Variants in IL1RAPL1 observed in about 807,000 individuals in gnomAD.
IL1RAPL1 encodes the protein interleukin 1 receptor accessory protein like 1.
Under a neutral mutation model 48.4 loss-of-function variants are expected in IL1RAPL1, and 3 were observed. The ratio of observed to expected loss-of-function variants is 0.06; its 90% CI spans 0.03 to 0.16. The LOEUF is 0.16. IL1RAPL1 is among the 10% of genes least tolerant of loss of function. IL1RAPL1 has a pLI of 1.00. For missense variants in IL1RAPL1, 349 were observed against 530.6 expected (o/e 0.66, Z 3.36); for synonymous variants, 185 against 187.7 (o/e 0.99, Z 0.12).
At chrX:29,010,615 G>T (rs758193544) in intron 2 of IL1RAPL1, among the ~76,000 whole-genome samples, 2 of 111,548 alleles carry the variant, frequency 1.8e-5, no homozygotes, top group Non-Finnish European at 3.8e-5. Context: ...TTCAAATATC[G>T]ATTTTAGTGA....
At chrX:29,653,940 ATTTT>A (rs1350357785) in intron 5 of IL1RAPL1, among the ~76,000 whole-genome samples, 2 of 104,396 alleles carry the variant, frequency 1.9e-5, no homozygotes, top group Non-Finnish European at 2.0e-5. Flanking sequence ...TTATTTATTT[ATTTT>A]TTGGCTGTAT....
intron 1 of IL1RAPL1, among the ~76,000 whole-genome samples, chrX:28,606,841 G>A (rs1360713541): frequency 9.0e-6 from 1 of 111,168 alleles, no homozygotes; most frequent in Non-Finnish European, 1.9e-5. Context: ...ACAACTTGGA[G>A]AGTTCAACAT....
intron 2 of IL1RAPL1, among the ~76,000 whole-genome samples, chrX:29,025,231 TTTGTGGCCA>T (rs1926457564): frequency 8.9e-6 from 1 of 112,376 alleles, no homozygotes; most frequent in Admixed American, 9.5e-5. Flanking sequence ...TGGTTTCCAT[TTTGTGGCCA>T]TTGTGAATAA....
intron 2 of IL1RAPL1, among the ~76,000 whole-genome samples, chrX:29,158,560 A>G (rs1929611887): frequency 9.0e-6 from 1 of 110,666 alleles, no homozygotes; most frequent in African/African-American, 3.3e-5. Context: ...TATTTTTAGT[A>G]GAGATGAGAT....
In IL1RAPL1 at chrX:29,085,881, C is replaced by T. The variant is rs1422411784; in HGVS notation, c.83-197057C>T. Among the ~76,000 whole-genome samples the T allele has an allele frequency of 2.7e-5, 3 of 111,690 alleles. No homozygotes were observed. The Admixed American group carries it at 2.9e-4, about 11-fold the overall frequency. ...TGAAATCTGGATTCATAAGTGAAAC[C>T]TCCAGGTTATTAAATATTTGGCATT... On this transcript the variant is annotated intron_variant, in intron 2 of 10. Transcript: ENST00000378993.
intron 1 of IL1RAPL1, among the ~76,000 whole-genome samples, chrX:28,737,073 TTTTCTTTTCTTTTCG>T (rs1394791755): frequency 3.9e-5 from 2 of 51,070 alleles, no homozygotes; most frequent in Non-Finnish European, 7.5e-5. Flanking sequence ...TTTTCTTTTC[TTTTCTTTTCTTTTCG>T]TTTTGTTTCT....
intron 1 of IL1RAPL1, among the ~76,000 whole-genome samples, chrX:28,727,247 C>G (rs1935687620): frequency 9.1e-6 from 1 of 109,620 alleles, no homozygotes; most frequent in Non-Finnish European, 1.9e-5. Context: ...AGAGGTCCTT[C>G]ACATCCCTTG....
At chrX:28,800,373 T>G (rs1353526180) in intron 2 of IL1RAPL1, among the ~76,000 whole-genome samples, 1 of 112,118 alleles carries the variant, frequency 8.9e-6, no homozygotes, top group East Asian at 2.8e-4. Flanking sequence ...GGGGGACCAC[T>G]GTTCACACTG....
intron 5 of IL1RAPL1, among the ~76,000 whole-genome samples, chrX:29,425,032 G>A (rs913267524): frequency 9.0e-6 from 1 of 111,637 alleles, no homozygotes; most frequent in Non-Finnish European, 1.9e-5. Context: ...GATACTCCTA[G>A]TAAGAAGTAC....
chrX:29,005,951 T>C (rs1279622252), intron 2 of IL1RAPL1, among the ~76,000 whole-genome samples: 1 of 112,182 alleles, frequency 8.9e-6, no homozygotes, highest in Non-Finnish European at 1.9e-5. Context: ...ATCTTACTTA[T>C]AAACATATAT....
intron 1 of IL1RAPL1, among the ~76,000 whole-genome samples, chrX:28,718,913 A>T (rs1370354535): frequency 9.0e-6 from 1 of 111,315 alleles, no homozygotes; most frequent in Non-Finnish European, 1.9e-5. Context: ...GCTTTTAGGG[A>T]TGTTTTCTGC....
intron 2 of IL1RAPL1, among the ~76,000 whole-genome samples, chrX:29,221,278 A>G (rs1370794510): frequency 6.2e-5 from 7 of 112,008 alleles, no homozygotes; most frequent in Non-Finnish European, 1.1e-4. Flanking sequence ...CTATCATGCA[A>G]TGATGTAGTT....
At chrX:29,743,509 CAG>C (rs1402091592) in intron 6 of IL1RAPL1, among the ~76,000 whole-genome samples, 3 of 111,046 alleles carry the variant, frequency 2.7e-5, no homozygotes, top group Admixed American at 9.6e-5. Flanking sequence ...TTTTTTGAGA[CAG>C]AGCCTCGCTC....
intron 6 of IL1RAPL1, among the ~76,000 whole-genome samples, chrX:29,782,987 C>T (rs1303674489): frequency 2.2e-5 from 2 of 91,963 alleles, no homozygotes; most frequent in African/African-American, 4.0e-5. Context: ...TCACTGCAAG[C>T]TCCGCCTCCC....
chrX:28,723,444 C>T (rs1935618710), intron 1 of IL1RAPL1, among the ~76,000 whole-genome samples: 1 of 111,130 alleles, frequency 9.0e-6, no homozygotes, highest in Non-Finnish European at 1.9e-5. Context: ...GTGATATCCC[C>T]TTTATCATTT....
intron 1 of IL1RAPL1, among the ~76,000 whole-genome samples, chrX:28,697,820 G>A (rs1222578592): frequency 1.8e-5 from 2 of 111,257 alleles, no homozygotes; most frequent in Admixed American, 9.6e-5. Flanking sequence ...TAGAGATACA[G>A]CATTCAATTT....
rs866381904 is a variant in IL1RAPL1, at chrX:29,080,986, T to C, written c.83-201952T>C. Among the ~76,000 whole-genome samples the C allele has an allele frequency of 4.7e-3, 184 of 38,982 alleles. 1 individual carries two copies. The highest frequency in any genetic ancestry group is 0.019 in the East Asian group (17 of 885). 33.9% of individuals were successfully genotyped at this position (38,982 alleles called of 115,157 possible). On this transcript the variant is annotated intron_variant, in intron 2 of 10. Coordinates refer to ENST00000378993, the MANE Select transcript of IL1RAPL1 (RefSeq NM_014271.4). Reference sequence around the variant, plus strand: ...TTTCTTTCTTTCTTTCTTTCTTTCTTTCTTTCTTTCTCTCTCTCTCTCTCT... The same window carrying C: ...TTTCTTTCTTTCTTTCTTTCTTTCTCTCTTTCTTTCTCTCTCTCTCTCTCT...
chrX:29,099,551 G>A (rs1402741352), intron 2 of IL1RAPL1, among the ~76,000 whole-genome samples: 2 of 111,714 alleles, frequency 1.8e-5, no homozygotes, highest in Non-Finnish European at 3.8e-5. Flanking sequence ...CTTAAATAGT[G>A]GGCAGAACTG....
At chrX:28,596,012 T>G (rs1477374036) in intron 1 of IL1RAPL1, among the ~76,000 whole-genome samples, 1 of 111,345 alleles carries the variant, frequency 9.0e-6, no homozygotes, top group Admixed American at 9.6e-5. Flanking sequence ...TCAGTGGGTG[T>G]GCTCTTCTCA....
Sources: allele counts gnomAD v4.1 joint callset (sites outside exome capture counted in the v4.1 genomes callset), GRCh38; gene constraint gnomAD v4.1.1; transcripts MANE v1.5; gene names NCBI Gene and HGNC (gene_info 2026-07-23, HGNC 2026-07-21).